The following SSBP4 variants were observed in gnomAD, a reference collection of about 807,000 sequenced individuals.
SSBP4 encodes single stranded DNA binding protein 4.
SSBP4 carries 33 observed loss-of-function variants against 64.6 expected under a neutral mutation model. That is an observed-to-expected ratio of 0.51 (90% CI 0.39 to 0.68). The LOEUF (loss-of-function observed/expected upper bound fraction) is 0.68. SSBP4 is among the 30% of genes least tolerant of loss of function. The pLI is 0.00. For synonymous variants in SSBP4, 243 were observed against 224.0 expected, an observed-to-expected ratio of 1.08 and a Z score of -0.76; for missense variants, 583 against 566.8, an observed-to-expected ratio of 1.03 and a Z score of -0.29.
upstream of SSBP4, chr19:18,419,066 T>A (rs1972241437): frequency 1.0e-6 from 1 of 985,528 alleles, no homozygotes; most frequent in Non-Finnish European, 1.2e-6. Context: ...GGTACACTTT[T>A]GCTGTGTGGA....
At chr19:18,412,992 G>A in the SSBP4 span, among the ~76,000 whole-genome samples, 5 of 152,130 alleles carry the variant, frequency 3.3e-5, no homozygotes, top group African/African-American at 1.2e-4. Context: ...AGACAGGAAG[G>A]GAAGGAGCCC....
Position 18,431,068 on chromosome 19 carries a change from T to G in SSBP4, c.369+138T>G, listed in dbSNP as rs542077830. 23 of 1,073,526 alleles carry G rather than the reference T, an allele frequency of 2.1e-5. No individual in the cohort carries two copies. The African/African-American group carries it at 3.2e-4, about 15-fold the overall frequency. 66.5% of individuals were successfully genotyped at this position (1,073,526 alleles called of 1,614,324 possible). A position where few individuals can be genotyped will look rare whatever the true frequency, so the allele number is the denominator to read the frequency against. ...GGGAGGGTCCTCTGTGCCGCAGGTG[T>G]GCCCAGGTGGGCCTTTCAGGGGCCA... On this transcript the variant is annotated intron_variant, in intron 5 of 17. Coordinates refer to ENST00000270061, the MANE Select transcript of SSBP4 (RefSeq NM_032627.5).
chr19:18,433,140 G>A lies in SSBP4; in HGVS notation c.918G>A (p.Pro306=), dbSNP rs755385584. 2.5e-6 allele frequency: 4 copies of A among 1,605,942 alleles called. No homozygotes were observed. The highest frequency in any genetic ancestry group is 2.7e-5 in the African/African-American group (2 of 74,820). ...CGCTGTCCCCATGCCCGCAGTTCCC[G>A]CTCGGCCCTGGCCCGGAGGGCCCCA... ...IGQGAGRANF[P]LGPGPEGPMA... The change falls in exon 15 of 18, where the codon CCG becomes CCA. Residue 306 remains proline (P), a synonymous_variant. Coordinates refer to ENST00000270061, the MANE Select transcript of SSBP4 (RefSeq NM_032627.5).
chr19:18,403,160 G>A, the SSBP4 span, among the ~76,000 whole-genome samples: 1 of 152,210 alleles, frequency 6.6e-6, no homozygotes, highest in African/African-American at 2.4e-5. Context: ...TCCAGGCACA[G>A]TACCTGCTCT....
chr19:18,402,952 G>A, the SSBP4 span, among the ~76,000 whole-genome samples: 1 of 152,168 alleles, frequency 6.6e-6, no homozygotes, highest in South Asian at 2.1e-4. Context: ...CTAAGAGGAA[G>A]GCCTCTGTCT....
In SSBP4 at chr19:18,432,170, C is replaced by T; in HGVS notation, c.660C>T (p.Pro220=). 3 of 1,613,170 alleles carry T rather than the reference C, an allele frequency of 1.9e-6. No individual in the cohort carries two copies. The highest frequency in any genetic ancestry group is 2.5e-6 in the Non-Finnish European group (3 of 1,179,980). Residue 220 remains proline (P), a synonymous_variant, in exon 10 of 18, where the codon CCC becomes CCT. Transcript: ENST00000270061. The part of the protein sequence containing the change: ...GPQSYGGGMR[P]PPNSLAGPGL... Reference sequence around the variant, plus strand: ...AGAGCTATGGAGGTGGCATGCGACCCCCACCCAACTCCCTCGCCGGCCCAG... The same window carrying T: ...AGAGCTATGGAGGTGGCATGCGACCTCCACCCAACTCCCTCGCCGGCCCAG...
chr19:18,433,096 ATGGG>A (rs758847818), intron 14 of SSBP4, 35 bp from the exon 15 acceptor site: 3 of 1,613,326 alleles, frequency 1.9e-6, no homozygotes, highest in Non-Finnish European at 2.5e-6. Context: ...CACTTGGGGA[ATGGG>A]TGGCCCGAGT....
upstream of SSBP4, among the ~76,000 whole-genome samples, chr19:18,414,644 C>T (rs1436688737): frequency 1.3e-5 from 2 of 152,210 alleles, no homozygotes; most frequent in Non-Finnish European, 2.9e-5. Context: ...GTGAAAGCCA[C>T]ACAAGGTGCT....
chr19:18,433,981 C>T (rs1243199415), intron 17 of SSBP4, 164 bp downstream of exon 17: 4 of 1,086,648 alleles, frequency 3.7e-6, no homozygotes, highest in South Asian at 7.4e-5. Flanking sequence ...CCTCTCCCCA[C>T]CCCCCACCAC....
At position 18,431,693 on chromosome 19, in the gene SSBP4, G is replaced by A. The variant is rs1011083479; in HGVS notation, c.482G>A (p.Arg161Gln). 7 of 1,552,060 alleles carry A rather than the reference G, an allele frequency of 4.5e-6. No homozygotes were observed. Among genetic ancestry groups the A allele is most frequent in the South Asian group, 3.6e-5 (3 of 84,454 alleles). ...RFPGGPRPTL[R>Q]MPSQPPAGLP... is the part of the protein sequence containing the mutation. ...CCAGGGGGCCCCCGGCCCACCCTGC[G>A]GATGCCGAGTCAGGTGAGAAAGGGA... Residue 161 changes from arginine (R) to glutamine (Q), a missense_variant, in exon 7 of 18, where the codon CGG (arginine) becomes CAG (glutamine). Coordinates refer to ENST00000270061, the MANE Select transcript of SSBP4 (RefSeq NM_032627.5).
At chr19:18,433,379 C>T (rs1015803900) in intron 15 of SSBP4, 166 bp downstream of exon 15, 10 of 1,261,480 alleles carry the variant, frequency 7.9e-6, no homozygotes, top group Non-Finnish European at 1.1e-5. Context: ...GGAGGGGGAT[C>T]CAGCGACCAA....
intron 1 of SSBP4, among the ~76,000 whole-genome samples, chr19:18,424,117 C>T (rs1972664569): frequency 6.6e-6 from 1 of 152,198 alleles, no homozygotes; most frequent in African/African-American, 2.4e-5. Flanking sequence ...AATAAAAGGA[C>T]CAATGTGGAA....
rs1973407442 is a variant in SSBP4 at position 18,431,780 on chromosome 19, AC to A, written c.496-8del. The A allele has an allele frequency of 2.0e-6, 3 of 1,537,280 alleles. No homozygotes were observed. Among genetic ancestry groups the A allele is most frequent in the African/African-American group, 1.4e-5 (1 of 71,800 alleles). On this transcript the variant is annotated splice_polypyrimidine_tract_variant and intron_variant, in intron 7 of 17. Transcript: ENST00000270061. ...AGCACCCCACACTCAGTGCCGCCGCACCCCCTCCGCAGCCTCCCGCAGGCCT... is the reference window on the plus strand; with the variant it reads ...AGCACCCCACACTCAGTGCCGCCGCACCCCTCCGCAGCCTCCCGCAGGCCT...
intron 4 of SSBP4, 89 bp downstream of exon 4, chr19:18,428,071 C>T: frequency 7.5e-7 from 1 of 1,337,540 alleles, no homozygotes; most frequent in South Asian, 1.2e-5. Flanking sequence ...GGCTGCACAG[C>T]CAGAGGAGGG....
At chr19:18,412,178 G>T in the SSBP4 span, among the ~76,000 whole-genome samples, 1 of 151,018 alleles carries the variant, frequency 6.6e-6, no homozygotes, top group Admixed American at 6.6e-5. Flanking sequence ...AAAGGAGGAT[G>T]AGGGCCAGGT....
the SSBP4 span, among the ~76,000 whole-genome samples, chr19:18,410,151 G>A: frequency 6.6e-6 from 1 of 151,984 alleles, no homozygotes; most frequent in Non-Finnish European, 1.5e-5. Context: ...CCGCCACCAC[G>A]CCCGGCTAAT....
In SSBP4 at chr19:18,431,822, C is replaced by G; in HGVS notation, c.525C>G (p.Pro175=). 6.4e-7 allele frequency: 1 copy of G among 1,567,534 alleles called. No homozygotes were observed. Among genetic ancestry groups the G allele is most frequent in the Non-Finnish European group, 8.7e-7 (1 of 1,155,326 alleles). Residue 175 remains proline, a synonymous_variant, in exon 8 of 18, where the codon CCC becomes CCG. Transcript: ENST00000270061. ...QPPAGLPGSQ[P]LLPGAMEPSP... is the part of the protein sequence containing the mutation. ...CCGCAGGCCTCCCTGGCTCCCAGCC[C>G]CTCCTCCCTGGCGCCATGGAGCCCT...
chr19:18,424,481 CTG>C (rs1972701922), intron 1 of SSBP4, among the ~76,000 whole-genome samples: 2 of 151,810 alleles, frequency 1.3e-5, no homozygotes, highest in Admixed American at 6.6e-5. Flanking sequence ...AGAGGTGACA[CTG>C]GAGTCTCTGG....
chr19:18,428,039 T>A, intron 4 of SSBP4, 57 bp downstream of exon 4: 1 of 608,882 alleles, frequency 1.6e-6, no homozygotes, highest in Non-Finnish European at 2.6e-6. Flanking sequence ...GCTGGGCCTG[T>A]GGCTGGGGAG....
Sources: allele counts gnomAD v4.1 joint callset (sites outside exome capture counted in the v4.1 genomes callset), GRCh38; gene constraint gnomAD v4.1.1; transcripts MANE v1.5; gene names NCBI Gene and HGNC (gene_info 2026-07-23, HGNC 2026-07-21).